Variants in RASL10A observed in about 807,000 individuals in gnomAD.
RASL10A encodes the protein ras-like protein family member 10A.
RASL10A carries 13 observed loss-of-function variants against 17.3 expected under a neutral mutation model. That is an observed-to-expected ratio of 0.75 (90% confidence interval 0.49 to 1.20). RASL10A has a LOEUF of 1.20. Ranked by LOEUF, RASL10A falls within the 50% of genes most tolerant of loss-of-function variation. The pLI is 0.00. For synonymous variants in RASL10A, 159 were observed against 142.2 expected (o/e 1.12, Z -0.84); for missense variants, 307 against 310.3 (o/e 0.99, Z 0.08).
Position 29,313,116 on chromosome 22 carries a change from G to C in RASL10A, c.*185C>G. The C allele has an allele frequency of 1.4e-6, 1 of 698,952 alleles. No individual in the cohort carries two copies. The highest frequency in any genetic ancestry group is 1.9e-5 in the African/African-American group (1 of 53,060). 43.3% of individuals were successfully genotyped at this position (698,952 alleles called of 1,614,324 possible). ...TCATCTCCAATGGAGCTTGGGACCT[G>C]GTTGGGTCCAATGAGGTTCAAAAGG... On this transcript the variant is annotated 3_prime_UTR_variant, in exon 3 of 3. Coordinates refer to ENST00000216101, the MANE Select transcript of RASL10A (RefSeq NM_006477.5).
Position 29,313,464 on chromosome 22 carries a change from C to T in RASL10A, c.449G>A (p.Arg150Lys). 1.9e-6 allele frequency: 3 copies of T among 1,546,610 alleles called. No individual in the cohort carries two copies. The highest frequency in any genetic ancestry group is 2.6e-6 in the Non-Finnish European group (3 of 1,151,672). The change falls in exon 3 of 3, where the codon AGG becomes AAG. Residue 150 changes from arginine to lysine, a missense_variant. By Grantham distance (26) the Arg-to-Lys change is conservative. Coordinates refer to ENST00000216101, the MANE Select transcript of RASL10A (RefSeq NM_006477.5). ...PRRALAALVR[R>K]GWRCGYLECS... ...CTCGAGGTAGCCGCAGCGCCAGCCC[C>T]TGCGCACTAGGGCGGCCAGCGCGCG... is the stretch of plus-strand genomic sequence containing the variant.
In RASL10A at chr22:29,315,219, G is replaced by A. The variant is rs973483732; in HGVS notation, c.28C>T (p.Leu10=). 26 of 1,519,662 alleles carry A rather than the reference G, an allele frequency of 1.7e-5. No individual in the cohort carries two copies. The African/African-American group carries it at 3.6e-4, about 21-fold the overall frequency. The allele number at this position is 1,519,662 out of a possible 1,614,324, so 94.1% of individuals were successfully genotyped here. The change falls in exon 1 of 3, where the codon CTA becomes TTA. Residue 10 remains leucine (L), a synonymous_variant. Transcript: ENST00000216101. The surrounding 1 kb of genome is among the most constrained non-coding windows in gnomAD (Gnocchi z 5.5). Reference sequence around the variant, plus strand: ...GTCTTGCCCACGCCCGGGGCGCCTAGAACGGCCACCCGCAGGCTACCCCCC... The same window carrying A: ...GTCTTGCCCACGCCCGGGGCGCCTAAAACGGCCACCCGCAGGCTACCCCCC... The part of the protein sequence containing the change: MGGSLRVAV[L]GAPGVGKTAI...
At chr22:29,317,978 G>A (rs557805032), upstream of RASL10A, among the ~76,000 whole-genome samples, 8 of 152,002 alleles carry the variant, frequency 5.3e-5, no homozygotes, top group East Asian at 1.4e-3. Context: ...GAGCCACTGC[G>A]CCCGGCCAGG....
upstream of RASL10A, among the ~76,000 whole-genome samples, chr22:29,318,608 G>C (rs916913327): frequency 1.3e-5 from 2 of 152,196 alleles, no homozygotes; most frequent in Admixed American, 1.3e-4. Flanking sequence ...CAGCAGGCTG[G>C]GGGGCTGAAG....
chr22:29,313,727 T>C (rs2061435408), intron 2 of RASL10A, 136 bp downstream of exon 2: 2 of 1,442,426 alleles, frequency 1.4e-6, no homozygotes, highest in African/African-American at 1.4e-5. Context: ...AAAGAGCACA[T>C]ACAGCTTAAG....
At position 29,313,545 on chromosome 22, in the gene RASL10A, G is replaced by A; in HGVS notation, c.368C>T (p.Pro123Leu). 2 of 1,537,852 alleles carry A rather than the reference G, an allele frequency of 1.3e-6. No homozygotes were observed. Among genetic ancestry groups the A allele is most frequent in the Non-Finnish European group, 1.7e-6 (2 of 1,153,756 alleles). The change falls in exon 3 of 3, where the codon CCC becomes CTC. Residue 123 changes from proline to leucine, a missense_variant. Physicochemically the swap from Pro to Leu is moderately conservative, Grantham distance 98. Transcript: ENST00000216101. ...CCGCTTGTTGCCTACCACGAGGATGGGCGCTTCGGGCGCGCCCGCCGGCCT... is the reference window on the plus strand; with the variant it reads ...CCGCTTGTTGCCTACCACGAGGATGAGCGCTTCGGGCGCGCCCGCCGGCCT... ...ETRPAGAPEAPILVVGNKRDR... is the reference protein window; with the variant it reads ...ETRPAGAPEALILVVGNKRDR...
chr22:29,315,789 G>A (rs1175491607), upstream of RASL10A: 1 of 151,688 alleles, frequency 6.6e-6, no homozygotes, highest in Non-Finnish European at 1.5e-5. This position sits in a 1 kb window ranked among gnomAD's most constrained non-coding sequence, Gnocchi z 5.5. Context: ...CACCGCCCAG[G>A]ACGCCCCTCC....
upstream of RASL10A, among the ~76,000 whole-genome samples, chr22:29,317,608 G>A (rs893446234): frequency 6.6e-6 from 1 of 152,186 alleles, no homozygotes. Context: ...CGGGGAACAA[G>A]GCAAGGAGTA....
chr22:29,315,304 G>T lies in RASL10A; in HGVS notation c.-58C>A, dbSNP rs562379307. The T allele has an allele frequency of 1.3e-5, 17 of 1,277,538 alleles. No individual in the cohort carries two copies. The South Asian group carries it at 2.9e-4, about 22-fold the overall frequency. The allele number at this position is 1,277,538 out of a possible 1,614,324, so 79.1% of individuals were successfully genotyped here. A position where few individuals can be genotyped will look rare whatever the true frequency, so the allele number is the denominator to read the frequency against. Reference sequence around the variant, plus strand: ...AAGCCTCATGGGCCGGCGCCGCACCGTGCGCCCCCAGGCCGTGCGCCCCGC... The same window carrying T: ...AAGCCTCATGGGCCGGCGCCGCACCTTGCGCCCCCAGGCCGTGCGCCCCGC... On this transcript the variant is annotated 5_prime_UTR_variant, in exon 1 of 3. Transcript: ENST00000216101. This position sits in a 1 kb window ranked among gnomAD's most constrained non-coding sequence, Gnocchi z 5.5.
rs1372753014 is a variant in RASL10A, at chr22:29,313,496, T to G, written c.417A>C (p.Gly139=). 1.3e-6 allele frequency: 2 copies of G among 1,564,372 alleles called. No homozygotes were observed. The highest frequency in any genetic ancestry group is 1.7e-6 in the Non-Finnish European group (2 of 1,162,796). ...CTAGGGCGGCCAGCGCGCGCCGCGG[T>G]CCGAAGCGCAGCCGCTGCCTGTCCC... ...NKRDRQRLRF[G]PRRALAALVR... The change falls in exon 3 of 3, where the codon GGA becomes GGC. Residue 139 remains glycine (G), a synonymous_variant. Coordinates refer to ENST00000216101, the MANE Select transcript of RASL10A (RefSeq NM_006477.5).
intron 1 of RASL10A, chr22:29,314,316 TCCAAAGCCC>T: frequency 3.8e-6 from 1 of 263,884 alleles, no homozygotes; most frequent in Non-Finnish European, 7.3e-6. Context: ...TAAGACTAAT[TCCAAAGCCC>T]TTGGCCCGAG....
At chr22:29,313,673 C>T in intron 2 of RASL10A, 105 bp from the exon 3 acceptor site, 1 of 1,392,914 alleles carries the variant, frequency 7.2e-7, no homozygotes, top group Non-Finnish European at 9.4e-7. Context: ...CCAGAGACAC[C>T]GCCCCCCCCG....
Position 29,313,300 on chromosome 22 carries a change from G to T in RASL10A, c.*1C>A, listed in dbSNP as rs963960593. The T allele has an allele frequency of 2.0e-6, 3 of 1,510,486 alleles. No individual in the cohort carries two copies. The highest frequency in any genetic ancestry group is 1.4e-5 in the African/African-American group (1 of 71,216). The allele number at this position is 1,510,486 out of a possible 1,614,324, so 93.6% of individuals were successfully genotyped here. Reference sequence around the variant, plus strand: ...CCCATGGATGGCACTGTCCGATCGGGTCACATGAGGCTGCAGCGCGCGGGA... The same window carrying T: ...CCCATGGATGGCACTGTCCGATCGGTTCACATGAGGCTGCAGCGCGCGGGA... On this transcript the variant is annotated 3_prime_UTR_variant, in exon 3 of 3. Transcript: ENST00000216101.
chr22:29,317,391 C>T (rs577319726), upstream of RASL10A, among the ~76,000 whole-genome samples: 64 of 152,210 alleles, frequency 4.2e-4, no homozygotes, highest in Non-Finnish European at 6.2e-4. Flanking sequence ...GTGTGTACTA[C>T]GACATCCAGC....
In RASL10A at chr22:29,313,865, G is replaced by C. The variant is rs746892870; in HGVS notation, c.342C>G (p.Thr114=). The part of the protein sequence containing the change: ...VKALRQRIAE[T]RPAGAPEAPI... ...CGCCAGAACTGCCGGGCCCCTACCT[G>C]GTCTCCGCGATGCGCTGCCGCAGGG... Residue 114 remains threonine (T), a splice_region_variant and synonymous_variant, in exon 2 of 3, where the codon ACC becomes ACG. Transcript: ENST00000216101. 3.1e-6 allele frequency: 5 copies of C among 1,613,308 alleles called. No individual in the cohort carries two copies. In the African/African-American group the frequency reaches 4.0e-5, roughly 13 times the overall value.
At chr22:29,314,074 C>G in intron 1 of RASL10A, 87 bp from the exon 2 acceptor site, 1 of 1,554,492 alleles carries the variant, frequency 6.4e-7, no homozygotes, top group Non-Finnish European at 8.7e-7. Context: ...CGCTAATCCT[C>G]AGGCCAACAT....
At chr22:29,313,671 ACCGCCCCCC>A (rs1425393097) in intron 2 of RASL10A, 103 bp from the exon 3 acceptor site, 16 of 1,403,944 alleles carry the variant, frequency 1.1e-5, no homozygotes, top group Middle Eastern at 2.6e-4. Flanking sequence ...GGCCAGAGAC[ACCGCCCCCC>A]CCGCCGCCCC....
rs2061438377 is a variant in RASL10A, at chr22:29,314,087, C to A, written c.220-100G>T. 8 of 1,490,834 alleles carry A rather than the reference C, an allele frequency of 5.4e-6. No individual in the cohort carries two copies. In the East Asian group the frequency reaches 1.9e-4, roughly 35 times the overall value. 92.4% of individuals were successfully genotyped at this position (1,490,834 alleles called of 1,614,324 possible). On this transcript the variant is annotated intron_variant, in intron 1 of 2. Coordinates refer to ENST00000216101, the MANE Select transcript of RASL10A (RefSeq NM_006477.5). ...GACGCTAATCCTCAGGCCAACATCA[C>A]CCCCATACAGACCTCTGTGCCCCTC...
At chr22:29,318,562 G>A (rs1253759545), upstream of RASL10A, among the ~76,000 whole-genome samples, 3 of 152,212 alleles carry the variant, frequency 2.0e-5, no homozygotes, top group African/African-American at 7.2e-5. Flanking sequence ...GAGCTCTAAT[G>A]GGAGTGTGCA....
Sources: gnomAD v4.1 joint callset for allele counts (sites outside exome capture counted in the v4.1 genomes callset) on GRCh38, gnomAD v4.1.1 for gene constraint, Gnocchi (gnomAD v3.1) non-coding constraint, MANE v1.5 for transcripts, NCBI Gene and HGNC (gene_info 2026-07-23, HGNC 2026-07-21) for gene names.